The following CDK17 variants were observed in gnomAD, a reference collection of about 807,000 sequenced individuals.
CDK17 encodes the protein cyclin-dependent kinase 17.
Under a neutral mutation model 77.6 loss-of-function variants are expected in CDK17, and 24 were observed. That is an observed-to-expected ratio of 0.31 (90% CI 0.22 to 0.44). The LOEUF (loss-of-function observed/expected upper bound fraction) is 0.44. Ranked by LOEUF, CDK17 falls within the 20% of genes least tolerant of loss-of-function variation. The pLI is 1.00. For synonymous variants in CDK17, 203 were observed against 210.4 expected (o/e 0.96, Z 0.30); for missense variants, 429 against 622.5 (o/e 0.69, Z 3.31).
At chr12:96,360,463 A>G (rs1953475087) in intron 1 of CDK17, among the ~76,000 whole-genome samples, 1 of 152,216 alleles carries the variant, frequency 6.6e-6, no homozygotes, top group African/African-American at 2.4e-5. Flanking sequence ...GGAGGGTATC[A>G]CATAATCTTT....
intron 5 of CDK17, among the ~76,000 whole-genome samples, chr12:96,308,229 T>TAAAAAAAAAAAAAAAAAAAAAAA (rs61572243): frequency 1.4e-4 from 9 of 63,766 alleles, no homozygotes; most frequent in African/African-American, 2.3e-4. Flanking sequence ...ATGCCATCTC[T>TAAAAAAAAAAAAAAAAAAAAAAA]AAAAAAAAAA....
rs138771934 is a variant in CDK17 at position 96,399,389 on chromosome 12, G to C, written c.-30+597C>G. 6.9e-3 allele frequency: 1,050 copies of C among 152,674 alleles called. 6 individuals carry two copies. Among genetic ancestry groups the C allele is most frequent in the Middle Eastern group, 0.02 (6 of 298 alleles). 9.5% of individuals were successfully genotyped at this position (152,674 alleles called of 1,614,324 possible). A position where few individuals can be genotyped will look rare whatever the true frequency, so the allele number is the denominator to read the frequency against. ...TCCGGGGTGTGACCCGCCAGCAGGA[G>C]GCTGCCCTGATCTTTGTCTCTACCC... On this transcript the variant is annotated intron_variant, in intron 1 of 16. Coordinates refer to ENST00000261211, the MANE Select transcript of CDK17 (RefSeq NM_002595.5).
chr12:96,313,201 A>C, intron 4 of CDK17, 120 bp downstream of exon 4: 2 of 600,916 alleles, frequency 3.3e-6, no homozygotes, highest in Non-Finnish European at 5.4e-6. Context: ...ACTTTCTTAC[A>C]AGTGTCACGT....
At chr12:96,317,960 A>C (rs1463763086) in intron 3 of CDK17, among the ~76,000 whole-genome samples, 1 of 151,500 alleles carries the variant, frequency 6.6e-6, no homozygotes, top group East Asian at 1.9e-4. Context: ...ATTAACTTTA[A>C]ATGTAAATGG....
chr12:96,296,956 T>A (rs1329388319), intron 9 of CDK17, among the ~76,000 whole-genome samples: 1 of 152,172 alleles, frequency 6.6e-6, no homozygotes, highest in Non-Finnish European at 1.5e-5. Context: ...AATGCACCCA[T>A]CATTCGTGTT....
chr12:96,331,826 A>G (rs1428920741), intron 2 of CDK17, among the ~76,000 whole-genome samples: 1 of 152,160 alleles, frequency 6.6e-6, no homozygotes, highest in Non-Finnish European at 1.5e-5. Context: ...TAGATATGCA[A>G]GAGTAATAGG....
At chr12:96,311,612 T>TTTTTTTTTTTTTTTTTTTTTG (rs1279874333) in intron 4 of CDK17, among the ~76,000 whole-genome samples, 1 of 150,058 alleles carries the variant, frequency 6.7e-6, no homozygotes, top group African/African-American at 2.5e-5. Context: ...TTTATTTAAT[T>TTTTTTTTTTTTTTTTTTTTTG]ATACAATGTG....
At chr12:96,284,172 A>G (rs1392311149) in intron 13 of CDK17, among the ~76,000 whole-genome samples, 1 of 152,210 alleles carries the variant, frequency 6.6e-6, no homozygotes, top group East Asian at 1.9e-4. Context: ...ATAACTTCAT[A>G]AAACTTCATC....
chr12:96,342,949 G>C (rs1178656657), intron 1 of CDK17, among the ~76,000 whole-genome samples: 1 of 142,552 alleles, frequency 7.0e-6, no homozygotes, highest in Non-Finnish European at 1.5e-5. Context: ...GCCAACAAGA[G>C]AGAAACTCTG....
At chr12:96,313,712 T>C (rs1020608553) in intron 3 of CDK17, among the ~76,000 whole-genome samples, 9 of 152,180 alleles carry the variant, frequency 5.9e-5, no homozygotes, top group African/African-American at 2.2e-4. Context: ...AGTAATAAAA[T>C]TATAAACTGG....
At chr12:96,280,333 T>C in intron 16 of CDK17, 54 bp from the exon 17 acceptor site, 1 of 1,542,954 alleles carries the variant, frequency 6.5e-7, no homozygotes, top group Non-Finnish European at 8.7e-7. Flanking sequence ...TTATCCCACA[T>C]ACAGTTATTT....
intron 1 of CDK17, among the ~76,000 whole-genome samples, chr12:96,361,469 T>G (rs1481995274): frequency 6.6e-6 from 1 of 152,230 alleles, no homozygotes; most frequent in Non-Finnish European, 1.5e-5. Context: ...CAAAGCAGTT[T>G]CAATGGGTAA....
At chr12:96,291,844 C>T (rs186904174) in intron 10 of CDK17, among the ~76,000 whole-genome samples, 1 of 152,080 alleles carries the variant, frequency 6.6e-6, no homozygotes, top group Non-Finnish European at 1.5e-5. Flanking sequence ...GTTTTGAACT[C>T]CTGACCTCAT....
At chr12:96,369,033 C>G (rs958726619) in intron 1 of CDK17, among the ~76,000 whole-genome samples, 1 of 152,028 alleles carries the variant, frequency 6.6e-6, no homozygotes, top group African/African-American at 2.4e-5. Context: ...TACTGACTTT[C>G]AAGTTAGAAT....
intron 2 of CDK17, 118 bp from the exon 3 acceptor site, chr12:96,324,230 T>C (rs35383509): frequency 0.055 from 31,714 of 572,626 alleles, 1,161 homozygotes; most frequent in Non-Finnish European, 0.061. Flanking sequence ...TTTAGCCTCA[T>C]TGCTTTGCTT....
chr12:96,307,348 T>C (rs762500486), intron 5 of CDK17, among the ~76,000 whole-genome samples: 1 of 152,110 alleles, frequency 6.6e-6, no homozygotes, highest in Non-Finnish European at 1.5e-5. Flanking sequence ...ATAAAAACTT[T>C]AATCACTTAG....
chr12:96,379,523 A>G (rs1298229932), intron 1 of CDK17, among the ~76,000 whole-genome samples: 1 of 151,994 alleles, frequency 6.6e-6, no homozygotes, highest in Non-Finnish European at 1.5e-5. Flanking sequence ...CCTGGGATTA[A>G]GCAATCCTTC....
chr12:96,298,833 A>G (rs1952453372), intron 7 of CDK17, 36 bp downstream of exon 7: 1 of 1,097,010 alleles, frequency 9.1e-7, no homozygotes, highest in African/African-American at 1.6e-5. Context: ...TTATTCCACC[A>G]CTTTGATTTT....
intron 1 of CDK17, among the ~76,000 whole-genome samples, chr12:96,374,881 A>G (rs549664228): frequency 6.8e-4 from 104 of 152,320 alleles, no homozygotes; most frequent in Non-Finnish European, 1.2e-3. Flanking sequence ...GCACAAATAT[A>G]TTCTTGTCCA....
Sources: allele counts gnomAD v4.1 joint callset (sites outside exome capture counted in the v4.1 genomes callset), GRCh38; gene constraint gnomAD v4.1.1; transcripts MANE v1.5; gene names NCBI Gene and HGNC (gene_info 2026-07-23, HGNC 2026-07-21).